Variants in EPHA3 observed in about 807,000 individuals in gnomAD.
EPHA3 encodes the protein ephrin type-A receptor 3.
EPHA3 carries 42 observed loss-of-function variants against 107.1 expected under a neutral mutation model. That is an observed-to-expected ratio of 0.39 (90% CI 0.31 to 0.51). The LOEUF (loss-of-function observed/expected upper bound fraction) is 0.51, where lower values mean the gene tolerates loss of function less well. Ranked by LOEUF, EPHA3 falls within the 20% of genes least tolerant of loss-of-function variation. The pLI is 0.78. For synonymous variants in EPHA3, 461 were observed against 424.8 expected, an observed-to-expected ratio of 1.09 and a Z score of -1.05; for missense variants, 1,183 against 1,211.2, an observed-to-expected ratio of 0.98 and a Z score of 0.35.
In EPHA3 at chr3:89,466,701, C is replaced by T. The variant is rs1218717108; in HGVS notation, c.2691-5763C>T. ...GCCCTGCTTCGGCTCGCGCACGGTG[C>T]GCACACACACTGGCCTGCGCCCACT... On this transcript the variant is annotated intron_variant, in intron 15 of 16. Transcript: ENST00000336596. Among the ~76,000 whole-genome samples the T allele has an allele frequency of 3.5e-3, 466 of 132,916 alleles. 49 individuals are homozygous for T. Among genetic ancestry groups the T allele is most frequent in the African/African-American group, 0.012 (427 of 35,686 alleles). 87.2% of individuals were successfully genotyped at this position (132,916 alleles called of 152,430 possible). A position where few individuals can be genotyped will look rare whatever the true frequency, so the allele number is the denominator to read the frequency against.
At position 89,132,305 on chromosome 3, in the gene EPHA3, C is replaced by T. The variant is rs185185859; in HGVS notation, c.153+5032C>T. Among the ~76,000 whole-genome samples, 11 of 152,250 alleles carry T rather than the reference C, an allele frequency of 7.2e-5. No homozygotes were observed. The East Asian group carries it at 2.1e-3, about 29-fold the overall frequency. On this transcript the variant is annotated intron_variant, in intron 2 of 16. Transcript: ENST00000336596. ...CCTCTTCTTTGTTATTTAAGCCACT[C>T]TTAGTGTTTTTCATGCTTTCAAATA...
In EPHA3 at chr3:89,207,981, A is replaced by G. The variant is rs1300852396; in HGVS notation, c.154-1879A>G. ...AAATTTACAAATGAATAGGGGATTCAATAAGGGTTCTATAATACAGAAATT... is the reference window on the plus strand; with the variant it reads ...AAATTTACAAATGAATAGGGGATTCGATAAGGGTTCTATAATACAGAAATT... On this transcript the variant is annotated intron_variant, in intron 2 of 16. Transcript: ENST00000336596. Among the ~76,000 whole-genome samples the G allele has an allele frequency of 2.0e-5, 3 of 152,176 alleles. No individual in the cohort carries two copies. The East Asian group carries it at 5.8e-4, about 29-fold the overall frequency.
intron 5 of EPHA3, among the ~76,000 whole-genome samples, chr3:89,356,969 C>T (rs1411097225): frequency 2.7e-5 from 4 of 148,504 alleles, no homozygotes; most frequent in South Asian, 2.1e-4. Context: ...TGGGTGTGGT[C>T]GTTGGTTGTG....
chr3:89,119,489 C>G (rs1042898082), intron 1 of EPHA3, among the ~76,000 whole-genome samples: 4 of 151,962 alleles, frequency 2.6e-5, no homozygotes, highest in Non-Finnish European at 5.9e-5. Context: ...AATGTGGTAC[C>G]ATATTTGATC....
At chr3:89,443,439 AAAG>A (rs1290408776) in intron 13 of EPHA3, among the ~76,000 whole-genome samples, 5 of 152,218 alleles carry the variant, frequency 3.3e-5, no homozygotes, top group African/African-American at 1.2e-4. Context: ...GCATAAGAAA[AAAG>A]AGGACATTAG....
intron 3 of EPHA3, among the ~76,000 whole-genome samples, chr3:89,337,596 C>A (rs1707423277): frequency 1.3e-5 from 2 of 152,196 alleles, no homozygotes; most frequent in Non-Finnish European, 2.9e-5. Context: ...GTGGTTAAAG[C>A]CTATCAGCTA....
chr3:89,208,606 G>A (rs1706185906), intron 2 of EPHA3, among the ~76,000 whole-genome samples: 1 of 91,576 alleles, frequency 1.1e-5, no homozygotes, highest in Admixed American at 1.3e-4. Flanking sequence ...AGGAAGGAAG[G>A]AAAGAAGGAA....
chr3:89,182,132 T>C lies in EPHA3; in HGVS notation c.154-27728T>C, dbSNP rs1705456195. Among the ~76,000 whole-genome samples the C allele has an allele frequency of 4.6e-5, 7 of 151,930 alleles. No homozygotes were observed. The South Asian group carries it at 1.4e-3, about 31-fold the overall frequency. ...TCTCTTCTCTTCTTTATGACTTTAATTGGTTTTTTCTCCTTTCATTGAAAA... is the reference window on the plus strand; with the variant it reads ...TCTCTTCTCTTCTTTATGACTTTAACTGGTTTTTTCTCCTTTCATTGAAAA... On this transcript the variant is annotated intron_variant, in intron 2 of 16. Transcript: ENST00000336596.
In EPHA3 at chr3:89,425,001, C is replaced by T. The variant is rs899388911; in HGVS notation, c.2075-4105C>T. 2.0e-5 allele frequency among the ~76,000 whole-genome samples: 3 copies of T among 151,330 alleles called. No individual in the cohort carries two copies. The Admixed American group carries it at 2.0e-4, about 10-fold the overall frequency. ...TTTTGAAGAAAGAAATTATCTCTAG[C>T]CAGTCTGAAATTATAGACCTAATTT... On this transcript the variant is annotated intron_variant, in intron 11 of 16. Coordinates refer to ENST00000336596, the MANE Select transcript of EPHA3 (RefSeq NM_005233.6).
intron 3 of EPHA3, among the ~76,000 whole-genome samples, chr3:89,212,509 C>A (rs1050518719): frequency 6.6e-6 from 1 of 151,682 alleles, no homozygotes; most frequent in African/African-American, 2.4e-5. Context: ...TTTTTAGATC[C>A]CAGCATAACT....
chr3:89,178,810 A>C (rs1167170272), intron 2 of EPHA3, among the ~76,000 whole-genome samples: 4 of 151,914 alleles, frequency 2.6e-5, no homozygotes, highest in Non-Finnish European at 5.9e-5. Context: ...GGGTAAAAGA[A>C]AAGTGTTTTA....
intron 11 of EPHA3, among the ~76,000 whole-genome samples, chr3:89,425,929 G>C (rs1709447170): frequency 6.6e-6 from 1 of 151,594 alleles, no homozygotes; most frequent in Admixed American, 6.6e-5. Context: ...GATTATAACA[G>C]ACTGATTTGC....
intron 3 of EPHA3, among the ~76,000 whole-genome samples, chr3:89,264,332 T>C (rs1386503728): frequency 1.3e-5 from 2 of 152,082 alleles, no homozygotes; most frequent in Non-Finnish European, 1.5e-5. Flanking sequence ...TGAAACCCAG[T>C]AGGGAAAATT....
intron 5 of EPHA3, among the ~76,000 whole-genome samples, chr3:89,386,898 C>T (rs1474187397): frequency 6.6e-6 from 1 of 152,172 alleles, no homozygotes; most frequent in Non-Finnish European, 1.5e-5. Flanking sequence ...TGATTTTGGA[C>T]TTGCATGGGC....
intron 13 of EPHA3, among the ~76,000 whole-genome samples, chr3:89,447,880 T>C (rs1395882681): frequency 6.6e-6 from 1 of 152,164 alleles, no homozygotes; most frequent in African/African-American, 2.4e-5. Flanking sequence ...TGTAAAGCAC[T>C]ATATTGCCCC....
chr3:89,397,505 C>A (rs1314160201), intron 6 of EPHA3, among the ~76,000 whole-genome samples: 1 of 151,940 alleles, frequency 6.6e-6, no homozygotes, highest in Non-Finnish European at 1.5e-5. Context: ...TTGTATACAT[C>A]TGCACCTTTC....
At chr3:89,255,384 C>T (rs35156943) in intron 3 of EPHA3, among the ~76,000 whole-genome samples, 20,427 of 152,188 alleles carry the variant, frequency 0.13, 1,449 homozygotes, top group African/African-American at 0.19. Flanking sequence ...TAAATTAGGG[C>T]TTGGTAAACT....
intron 2 of EPHA3, among the ~76,000 whole-genome samples, chr3:89,184,128 GA>G (rs1705506339): frequency 6.6e-6 from 1 of 151,900 alleles, no homozygotes; most frequent in African/African-American, 2.4e-5. Flanking sequence ...TAGTTATAGA[GA>G]TCACTGGAAA....
At chr3:89,419,179 T>G (rs1709307639) in intron 10 of EPHA3, 26 bp from the exon 11 acceptor site, 1 of 1,540,216 alleles carries the variant, frequency 6.5e-7, no homozygotes, top group African/African-American at 1.4e-5. Context: ...TTCCTTACAT[T>G]TTGTTGCTGT....
Sources: allele counts gnomAD v4.1 joint callset (sites outside exome capture counted in the v4.1 genomes callset), GRCh38; gene constraint gnomAD v4.1.1; transcripts MANE v1.5; gene names NCBI Gene and HGNC (gene_info 2026-07-23, HGNC 2026-07-21).